The following KIAA1217 variants were observed in gnomAD, a reference collection of about 807,000 sequenced individuals.
The protein encoded by KIAA1217 is KIAA1217.
In KIAA1217, 88 loss-of-function variants were observed where a neutral mutation model predicts 163.9. The ratio of observed to expected loss-of-function variants is 0.54; its 90% confidence interval spans 0.45 to 0.64. KIAA1217 has a LOEUF of 0.64. Ranked by LOEUF, KIAA1217 falls within the 30% of genes least tolerant of loss-of-function variation. The pLI is 0.00. For synonymous variants in KIAA1217, 903 were observed against 923.1 expected, an observed-to-expected ratio of 0.98 and a Z score of 0.39; for missense variants, 2,372 against 2,475.0, an observed-to-expected ratio of 0.96 and a Z score of 0.88.
At chr10:24,050,985 C>A (rs754787086) in intron 2 of KIAA1217, among the ~76,000 whole-genome samples, 1 of 152,022 alleles carries the variant, frequency 6.6e-6, no homozygotes, top group Non-Finnish European at 1.5e-5. Context: ...TGGAAAAGTT[C>A]TTTAGTGGTG....
Position 24,381,025 on chromosome 10 carries a change from C to T in KIAA1217, c.511C>T (p.Pro171Ser). ...AGGCAGCCGGACTCGTGCGAGCCTT[C>T]CTGTGGTGAGGTCAACCAACCAGAC... ...SRGSRTRASL[P>S]VVRSTNQTKE... Residue 171 changes from proline to serine, a missense_variant, in exon 3 of 21, where the codon CCT becomes TCT. By Grantham distance (74) the Pro-to-Ser change is moderately conservative (BLOSUM62 -1). This residue lies in a region of KIAA1217 where 1,431 missense variants were observed against 1,470.3 expected (regional missense o/e 0.97). Coordinates refer to ENST00000376454, the MANE Select transcript of KIAA1217 (RefSeq NM_019590.5). 1 of 1,603,426 alleles carries T rather than the reference C, an allele frequency of 6.2e-7. No individual in the cohort carries two copies. The highest frequency in any genetic ancestry group is 8.5e-7 in the Non-Finnish European group (1 of 1,173,838).
intron 3 of KIAA1217, among the ~76,000 whole-genome samples, chr10:24,381,540 G>A (rs2053304745): frequency 6.6e-6 from 1 of 152,184 alleles, no homozygotes; most frequent in South Asian, 2.1e-4. Context: ...CATGAGTGAG[G>A]GATCTAGGTT....
chr10:23,761,771 C>T (rs997347770), intron 1 of KIAA1217, among the ~76,000 whole-genome samples: 3 of 151,934 alleles, frequency 2.0e-5, no homozygotes, highest in Non-Finnish European at 4.4e-5. Flanking sequence ...CTACTAGGTC[C>T]ACTTGGTCCA....
At chr10:24,034,874 T>C (rs907785738) in intron 2 of KIAA1217, among the ~76,000 whole-genome samples, 4 of 151,342 alleles carry the variant, frequency 2.6e-5, no homozygotes, top group Non-Finnish European at 5.9e-5. Context: ...TCAGAGCTGC[T>C]GGATTCCCAT....
At chr10:24,336,060 G>A (rs1160577055) in intron 2 of KIAA1217, among the ~76,000 whole-genome samples, 1 of 152,206 alleles carries the variant, frequency 6.6e-6, no homozygotes, top group East Asian at 1.9e-4. Flanking sequence ...GGCCAACATG[G>A]TGAAACCCTG....
chr10:24,233,960 G>A (rs574754580), intron 2 of KIAA1217, among the ~76,000 whole-genome samples: 1 of 152,238 alleles, frequency 6.6e-6, no homozygotes, highest in East Asian at 1.9e-4. Flanking sequence ...TATAAGTTAT[G>A]TCTTTAACAT....
intron 2 of KIAA1217, among the ~76,000 whole-genome samples, chr10:24,155,690 C>T (rs909457588): frequency 5.9e-5 from 9 of 151,948 alleles, no homozygotes; most frequent in South Asian, 2.1e-4. Context: ...GGCTCAGTGG[C>T]GGGCACCTGT....
chr10:24,472,445 A>G (rs575200432), intron 5 of KIAA1217, among the ~76,000 whole-genome samples: 35 of 152,246 alleles, frequency 2.3e-4, no homozygotes, highest in African/African-American at 8.2e-4. Flanking sequence ...CCTAGATTGT[A>G]TCCACTTTGA....
intron 1 of KIAA1217, among the ~76,000 whole-genome samples, chr10:23,811,324 A>C (rs1030654953): frequency 6.8e-6 from 1 of 147,612 alleles, no homozygotes; most frequent in African/African-American, 2.5e-5. Flanking sequence ...ATATAGAGGG[A>C]GTATGTATAT....
intron 2 of KIAA1217, among the ~76,000 whole-genome samples, chr10:24,374,228 C>T (rs888965298): frequency 5.9e-5 from 9 of 152,116 alleles, no homozygotes; most frequent in African/African-American, 9.7e-5. Context: ...CTAGGAGAAA[C>T]GTGAGAATCT....
intron 1 of KIAA1217, among the ~76,000 whole-genome samples, chr10:23,973,128 A>G (rs1589164690): frequency 2.0e-5 from 3 of 152,204 alleles, no homozygotes; most frequent in Non-Finnish European, 2.9e-5. Flanking sequence ...TTTCTCTTTC[A>G]CTTCAAAATT....
intron 2 of KIAA1217, among the ~76,000 whole-genome samples, chr10:24,166,514 G>A (rs1049355229): frequency 6.6e-6 from 1 of 152,094 alleles, no homozygotes; most frequent in African/African-American, 2.4e-5. Flanking sequence ...AAGGCGGGTG[G>A]ATCACTTGAG....
At chr10:24,237,528 T>C (rs1202776512) in intron 2 of KIAA1217, among the ~76,000 whole-genome samples, 1 of 152,204 alleles carries the variant, frequency 6.6e-6, no homozygotes, top group African/African-American at 2.4e-5. Flanking sequence ...ATTTCCTAAA[T>C]AACCCAAAGG....
At chr10:23,910,068 G>A (rs993743011) in intron 1 of KIAA1217, among the ~76,000 whole-genome samples, 9 of 151,888 alleles carry the variant, frequency 5.9e-5, no homozygotes, top group Non-Finnish European at 1.3e-4. Context: ...CAAACACCGC[G>A]TGTTCTCACT....
chr10:23,994,824 G>T (rs566203995), intron 1 of KIAA1217, among the ~76,000 whole-genome samples: 2 of 152,278 alleles, frequency 1.3e-5, no homozygotes, highest in East Asian at 3.9e-4. Context: ...GCATTGTTAA[G>T]CGTAGGTTGG....
intron 1 of KIAA1217, among the ~76,000 whole-genome samples, chr10:23,845,024 G>T (rs574347045): frequency 6.6e-6 from 1 of 152,280 alleles, no homozygotes; most frequent in East Asian, 1.9e-4. Flanking sequence ...TGCTGACAAT[G>T]ATAGTTTCCA....
At chr10:24,506,929 C>T (rs1425392493) in intron 9 of KIAA1217, among the ~76,000 whole-genome samples, 1 of 152,342 alleles carries the variant, frequency 6.6e-6, no homozygotes, top group Non-Finnish European at 1.5e-5. Context: ...CAAGCATGTA[C>T]AGTGTGAAAG....
At chr10:24,134,051 A>T (rs1405471272) in intron 2 of KIAA1217, among the ~76,000 whole-genome samples, 1 of 152,230 alleles carries the variant, frequency 6.6e-6, no homozygotes, top group Non-Finnish European at 1.5e-5. Flanking sequence ...AATTCTGGGA[A>T]AGTGCTCCAG....
chr10:24,362,393 A>C (rs1482188036), intron 2 of KIAA1217, among the ~76,000 whole-genome samples: 2 of 152,216 alleles, frequency 1.3e-5, no homozygotes, highest in African/African-American at 4.8e-5. Context: ...CCACTGGTAA[A>C]ATAGAGAATA....
Sources: gnomAD v4.1 joint callset for allele counts (sites outside exome capture counted in the v4.1 genomes callset) on GRCh38, gnomAD v4.1.1 for gene constraint, gnomAD v4.1.1 regional missense constraint, MANE v1.5 for transcripts, NCBI Gene and HGNC (gene_info 2026-07-23, HGNC 2026-07-21) for gene names.